The following SNX13 variants were observed in gnomAD, a reference collection of about 807,000 sequenced individuals.
SNX13 encodes sorting nexin-13.
Under a neutral mutation model 133.6 loss-of-function variants are expected in SNX13, and 45 were observed. The ratio of observed to expected loss-of-function variants is 0.34; its 90% CI spans 0.27 to 0.43. SNX13 has a LOEUF of 0.43. SNX13 is among the 20% of genes least tolerant of loss of function. The probability of loss-of-function intolerance (pLI) is 1.00; values close to 1 mark genes in which losing one functional copy is unlikely to be tolerated. For synonymous variants in SNX13, 414 were observed against 373.9 expected (o/e 1.11, Z -1.24); for missense variants, 1,032 against 1,145.1 (o/e 0.90, Z 1.43).
At chr7:17,931,695 A>G (rs1801405270) in intron 1 of SNX13, among the ~76,000 whole-genome samples, 2 of 152,226 alleles carry the variant, frequency 1.3e-5, no homozygotes. Context: ...GATGCATCAG[A>G]ATAAAAAGAT....
intron 1 of SNX13, among the ~76,000 whole-genome samples, chr7:17,913,887 C>T (rs1799278592): frequency 6.6e-6 from 1 of 151,732 alleles, no homozygotes; most frequent in African/African-American, 2.4e-5. Flanking sequence ...AGCTCCCTAG[C>T]AATGGATCCT....
chr7:17,873,377 T>C, intron 8 of SNX13, 151 bp downstream of exon 8: 1 of 431,544 alleles, frequency 2.3e-6, no homozygotes, highest in Non-Finnish European at 4.1e-6. Context: ...TCTTCACTTG[T>C]GTAAATATTT....
intron 15 of SNX13, chr7:17,832,054 G>C: frequency 2.0e-6 from 2 of 983,192 alleles, no homozygotes; most frequent in Non-Finnish European, 2.4e-6. Context: ...CAATGTCCTA[G>C]AAAGACAATA....
chr7:17,927,342 C>T (rs1800878723), intron 1 of SNX13, among the ~76,000 whole-genome samples: 1 of 151,874 alleles, frequency 6.6e-6, no homozygotes, highest in African/African-American at 2.4e-5. Flanking sequence ...ACCTGGACTC[C>T]AGCAATCCTC....
chr7:17,920,360 T>G (rs554619602), intron 1 of SNX13, among the ~76,000 whole-genome samples: 1 of 152,164 alleles, frequency 6.6e-6, no homozygotes, highest in East Asian at 1.9e-4. Context: ...AAAATATATT[T>G]GAATATTTTT....
chr7:17,937,180 C>T (rs143507028), intron 1 of SNX13, among the ~76,000 whole-genome samples: 3 of 151,256 alleles, frequency 2.0e-5, no homozygotes, highest in African/African-American at 7.3e-5. Context: ...AAGTTTACAT[C>T]GAGAACTATA....
intron 1 of SNX13, among the ~76,000 whole-genome samples, chr7:17,933,310 G>A (rs919703944): frequency 5.3e-5 from 8 of 152,112 alleles, no homozygotes; most frequent in African/African-American, 1.7e-4. Context: ...TTGGGAGGCC[G>A]AGGCGGGCGG....
At chr7:17,797,666 G>A (rs1253026920) in intron 24 of SNX13, among the ~76,000 whole-genome samples, 1 of 151,724 alleles carries the variant, frequency 6.6e-6, no homozygotes, top group Non-Finnish European at 1.5e-5. Flanking sequence ...AGACTCCCTG[G>A]ACATGGGATC....
chr7:17,918,029 C>T (rs956247849), intron 1 of SNX13, among the ~76,000 whole-genome samples: 11 of 152,142 alleles, frequency 7.2e-5, no homozygotes, highest in African/African-American at 2.6e-4. Flanking sequence ...CCTTCGACAA[C>T]ATCGACAAAA....
rs1346365660 is a variant in SNX13 at position 17,850,392 on chromosome 7, T to G, written c.1020A>C (p.Val340=). 3 of 1,594,610 alleles carry G rather than the reference T, an allele frequency of 1.9e-6. No homozygotes were observed. The highest frequency in any genetic ancestry group is 2.6e-6 in the Non-Finnish European group (3 of 1,171,550). The change falls in exon 11 of 26, where the codon GTA becomes GTC. Residue 340 remains valine (V), a synonymous_variant. Transcript: ENST00000428135. The stretch of plus-strand genomic sequence containing the variant: ...GTATTCTTGAGTCACATACCTTCTT[T>G]ACGAATAGTAAGCTATTTATTTGAT... The part of the protein sequence containing the change: ...IKNQINSLLF[V]KKVCDSRIQR...
chr7:17,894,650 A>C (rs2127996579), intron 2 of SNX13, among the ~76,000 whole-genome samples: 1 of 152,320 alleles, frequency 6.6e-6, no homozygotes, highest in Admixed American at 6.5e-5. Context: ...AAATATTATC[A>C]ATATTTCATA....
chr7:17,938,368 A>G (rs1802354204), intron 1 of SNX13, among the ~76,000 whole-genome samples: 1 of 152,222 alleles, frequency 6.6e-6, no homozygotes, highest in African/African-American at 2.4e-5. Context: ...GACTGTCACT[A>G]ATATTTAATA....
chr7:17,877,888 TTAATA>T (rs1420172274), intron 5 of SNX13, among the ~76,000 whole-genome samples: 1 of 151,958 alleles, frequency 6.6e-6, no homozygotes, highest in African/African-American at 2.4e-5. Context: ...TCATGCAAAC[TTAATA>T]TAAATCTCAA....
chr7:17,812,298 T>C (rs1272700890), intron 20 of SNX13, among the ~76,000 whole-genome samples: 1 of 151,636 alleles, frequency 6.6e-6, no homozygotes, highest in Non-Finnish European at 1.5e-5. Context: ...TGAAACAAAC[T>C]TACAAGAAAA....
rs557168664 is a variant in SNX13, at chr7:17,890,495, A to T, written c.319-11T>A. The T allele has an allele frequency of 6.5e-7, 1 of 1,539,554 alleles. No homozygotes were observed. Among genetic ancestry groups the T allele is most frequent in the South Asian group, 1.2e-5 (1 of 80,102 alleles). ...GGAAAACTGGATAACCTATAACAAA[A>T]ATATTGGAAAAAAAATTACAACATT... On this transcript the variant is annotated splice_polypyrimidine_tract_variant and intron_variant, in intron 4 of 25. Transcript: ENST00000428135.
intron 20 of SNX13, among the ~76,000 whole-genome samples, chr7:17,804,998 G>A (rs1323841637): frequency 2.6e-5 from 4 of 152,138 alleles, no homozygotes. Flanking sequence ...TGAGAGTTTT[G>A]GTTGGTTACT....
chr7:17,803,989 C>T (rs1784912417), intron 20 of SNX13, among the ~76,000 whole-genome samples: 1 of 151,292 alleles, frequency 6.6e-6, no homozygotes, highest in Non-Finnish European at 1.5e-5. Context: ...CTCAGGAGTT[C>T]AAGGCTGCAG....
chr7:17,841,334 G>A (rs1789846360), intron 12 of SNX13, among the ~76,000 whole-genome samples: 1 of 151,918 alleles, frequency 6.6e-6, no homozygotes, highest in Admixed American at 6.6e-5. Flanking sequence ...CCACATATGT[G>A]GGAAAATTAG....
chr7:17,837,296 A>T (rs1789251896), intron 13 of SNX13, among the ~76,000 whole-genome samples: 1 of 151,672 alleles, frequency 6.6e-6, no homozygotes, highest in Non-Finnish European at 1.5e-5. Flanking sequence ...AACTCCAGCT[A>T]ATTTTCTTTT....
Sources: gnomAD v4.1 joint callset for allele counts (sites outside exome capture counted in the v4.1 genomes callset) on GRCh38, gnomAD v4.1.1 for gene constraint, MANE v1.5 for transcripts, NCBI Gene and HGNC (gene_info 2026-07-23, HGNC 2026-07-21) for gene names.